SNX33: variants seen among roughly 807,000 people sequenced by gnomAD.
The protein encoded by SNX33 is sorting nexin 33.
SNX33 carries 19 observed loss-of-function variants against 38.8 expected under a neutral mutation model. That is an observed-to-expected ratio of 0.49 (90% confidence interval 0.34 to 0.72). The LOEUF is 0.72. Ranked by LOEUF, SNX33 falls within the 30% of genes least tolerant of loss-of-function variation. The pLI is 0.01. For missense variants in SNX33, 641 were observed against 776.4 expected (o/e 0.83, Z 2.07); for synonymous variants, 246 against 289.7 (o/e 0.85, Z 1.53).
Position 75,656,901 on chromosome 15 carries a change from G to A in SNX33, c.1472-61G>A, listed in dbSNP as rs1893658084. The stretch of plus-strand genomic sequence containing the variant: ...ATGAGGGTGCTGTCTGCCCTCAAGG[G>A]TACAGGGAGCACATGGAGATCAGAG... On this transcript the variant is annotated intron_variant, in intron 1 of 1. Coordinates refer to ENST00000308527, the MANE Select transcript of SNX33 (RefSeq NM_153271.2). 11 of 1,574,818 alleles carry A rather than the reference G, an allele frequency of 7.0e-6. No individual in the cohort carries two copies. In the South Asian group the frequency reaches 1.2e-4, roughly 17 times the overall value.
chr15:75,652,415 G>A (rs2141397981), intron 1 of SNX33, among the ~76,000 whole-genome samples: 1 of 152,322 alleles, frequency 6.6e-6, no homozygotes. Context: ...CAGCAGGAGG[G>A]GGAATGCAAT....
At position 75,650,293 on chromosome 15, in the gene SNX33, T is replaced by C. The variant is rs1265154661; in HGVS notation, c.1191T>C (p.Thr397=). The C allele has an allele frequency of 8.8e-6, 14 of 1,592,632 alleles. No homozygotes were observed. Among genetic ancestry groups the C allele is most frequent in the Non-Finnish European group, 1.0e-5 (12 of 1,167,716 alleles). ...ACGACAGCGTCCTGCAGCTCAGCAC[T>C]GTGGCATCAGAGCTGGTGCGTAAAC... ...KMDDSVLQLS[T]VASELVRKHV... Residue 397 remains threonine (T), a synonymous_variant, in exon 1 of 2, where the codon ACT becomes ACC. Transcript: ENST00000308527. This position sits in a 1 kb window ranked among gnomAD's most constrained non-coding sequence, Gnocchi z 6.1.
At chr15:75,656,311 CA>C (rs1893651564) in intron 1 of SNX33, among the ~76,000 whole-genome samples, 1 of 152,220 alleles carries the variant, frequency 6.6e-6, no homozygotes. Context: ...AATAGGAATC[CA>C]GGGGGCAGAG....
chr15:75,655,828 C>A (rs1893646952), intron 1 of SNX33, among the ~76,000 whole-genome samples: 3 of 152,310 alleles, frequency 2.0e-5, no homozygotes, highest in Non-Finnish European at 4.4e-5. Context: ...TATGCCAACC[C>A]TTCCCTGCTC....
chr15:75,661,754 C>T lies in SNX33; in HGVS notation c.*4539C>T, dbSNP rs983690361. The T allele has an allele frequency of 2.0e-5, 3 of 152,108 alleles. No homozygotes were observed. The highest frequency in any genetic ancestry group is 7.2e-5 in the African/African-American group (3 of 41,402). 9.4% of individuals were successfully genotyped at this position (152,108 alleles called of 1,614,324 possible). The stretch of plus-strand genomic sequence containing the variant: ...AGGGAATCTCTGGCGGGGCTGGACT[C>T]AAACCCAGCTCCCTGCCATCACTCC... On this transcript the variant is annotated 3_prime_UTR_variant, in exon 2 of 2. Coordinates refer to ENST00000308527, the MANE Select transcript of SNX33 (RefSeq NM_153271.2). The surrounding 1 kb of genome is among the most constrained non-coding windows in gnomAD (Gnocchi z 4.5).
rs1893661346 is a variant in SNX33 at position 75,657,040 on chromosome 15, G to A, written c.1550G>A (p.Arg517His). ...RMVQDEADGI[R>H]RRCRVVGFAL... ...GTGCAGGACGAGGCAGACGGCATTC[G>A]CAGGCGCTGCCGCGTGGTGGGTTTC... Residue 517 changes from arginine (R) to histidine (H), a missense_variant, in exon 2 of 2, where the codon CGC becomes CAC. Coordinates refer to ENST00000308527, the MANE Select transcript of SNX33 (RefSeq NM_153271.2). The surrounding 1 kb of genome is among the most constrained non-coding windows in gnomAD (Gnocchi z 5.5). The A allele has an allele frequency of 6.2e-6, 10 of 1,614,026 alleles. No individual in the cohort carries two copies. The highest frequency in any genetic ancestry group is 2.7e-5 in the African/African-American group (2 of 74,946).
rs1893551424 is a variant in SNX33 at position 75,649,709 on chromosome 15, C to T, written c.607C>T (p.Pro203Ser). Reference sequence around the variant, plus strand: ...GGAGGCCTTCATCCTGGGTGATGTGCCCATGATGGCCAAGATCGCTGAGAC... The same window carrying T: ...GGAGGCCTTCATCCTGGGTGATGTGTCCATGATGGCCAAGATCGCTGAGAC... ...GVEAFILGDV[P>S]MMAKIAETYS... The change falls in exon 1 of 2, where the codon CCC becomes TCC. Residue 203 changes from proline (P) to serine (S), a missense_variant. Pro to Ser is a moderately conservative substitution (Grantham distance 74). Coordinates refer to ENST00000308527, the MANE Select transcript of SNX33 (RefSeq NM_153271.2). This position sits in a 1 kb window ranked among gnomAD's most constrained non-coding sequence, Gnocchi z 6.6. The T allele has an allele frequency of 2.6e-6, 4 of 1,548,382 alleles. No individual in the cohort carries two copies. Among genetic ancestry groups the T allele is most frequent in the Non-Finnish European group, 3.5e-6 (4 of 1,143,954 alleles).
intron 1 of SNX33, among the ~76,000 whole-genome samples, chr15:75,652,214 G>A (rs1262533435): frequency 1.3e-5 from 2 of 152,170 alleles, no homozygotes; most frequent in Admixed American, 6.5e-5. Flanking sequence ...GGAGTGGGTG[G>A]GAAGGGACTC....
At chr15:75,653,839 C>T (rs1482520985) in intron 1 of SNX33, among the ~76,000 whole-genome samples, 35 of 152,162 alleles carry the variant, frequency 2.3e-4, no homozygotes, top group Admixed American at 2.2e-3. Flanking sequence ...TACCGCTCAT[C>T]CTGTAATCTC....
intron 1 of SNX33, among the ~76,000 whole-genome samples, chr15:75,651,343 C>T (rs1179550760): frequency 6.6e-6 from 1 of 152,172 alleles, no homozygotes; most frequent in Non-Finnish European, 1.5e-5. Flanking sequence ...GCCTGTGGCC[C>T]GGCTGGGACT....
intron 1 of SNX33, 93 bp from the exon 2 acceptor site, chr15:75,656,869 T>G: frequency 4.4e-5 from 67 of 1,511,074 alleles, no homozygotes; most frequent in Non-Finnish European, 5.5e-5. Context: ...ACGTCCGAGT[T>G]GAGCTGATGA....
chr15:75,648,142 G>T lies in SNX33; in HGVS notation c.-961G>T. 1 of 985,556 alleles carries T rather than the reference G, an allele frequency of 1.0e-6. No individual in the cohort carries two copies. The highest frequency in any genetic ancestry group is 1.7e-5 in the African/African-American group (1 of 57,364). 61.1% of individuals were successfully genotyped at this position (985,556 alleles called of 1,614,324 possible). ...CGAGGGTGGTGATCGGGGGTCGTAA[G>T]TCCCGGGTGAGGAACCGGTTTCTGC... On this transcript the variant is annotated 5_prime_UTR_variant, in exon 1 of 2. Coordinates refer to ENST00000308527, the MANE Select transcript of SNX33 (RefSeq NM_153271.2). The surrounding 1 kb of genome is among the most constrained non-coding windows in gnomAD (Gnocchi z 4.4).
chr15:75,650,720 A>C lies in SNX33; in HGVS notation c.1471+147A>C. The C allele has an allele frequency of 8.8e-7, 1 of 1,134,342 alleles. No homozygotes were observed. The allele number at this position is 1,134,342 out of a possible 1,614,324, so 70.3% of individuals were successfully genotyped here. On this transcript the variant is annotated intron_variant, in intron 1 of 1. Coordinates refer to ENST00000308527, the MANE Select transcript of SNX33 (RefSeq NM_153271.2). The surrounding 1 kb of genome is among the most constrained non-coding windows in gnomAD (Gnocchi z 6.1). Reference sequence around the variant, plus strand: ...ATTTAACAAATGTGTTGGGCTGGGCACGGTGGCTTACGCTTGTAATCTCAG... The same window carrying C: ...ATTTAACAAATGTGTTGGGCTGGGCCCGGTGGCTTACGCTTGTAATCTCAG...
chr15:75,653,451 C>G (rs952142809), intron 1 of SNX33, among the ~76,000 whole-genome samples: 1 of 152,206 alleles, frequency 6.6e-6, no homozygotes, highest in Non-Finnish European at 1.5e-5. Context: ...CTAAGGCTCA[C>G]GACAGGTCAG....
At chr15:75,655,556 C>T (rs535398799) in intron 1 of SNX33, among the ~76,000 whole-genome samples, 2 of 152,334 alleles carry the variant, frequency 1.3e-5, no homozygotes, top group Admixed American at 6.5e-5. Flanking sequence ...TAGCCATGCA[C>T]TTATCAACTA....
In SNX33 at chr15:75,649,106, G is replaced by T. The variant is rs1893534909; in HGVS notation, c.4G>T (p.Ala2Ser). MALKGRALYDFH... is the reference protein window; with the variant it reads MSLKGRALYDFH... ...TTCTATACCACCCAGCCCAGCCATG[G>T]CACTGAAAGGCCGAGCCCTCTATGA... The change falls in exon 1 of 2, where the codon GCA becomes TCA. Residue 2 changes from alanine (A) to serine (S), a missense_variant. Physicochemically the swap from Ala to Ser is moderately conservative, Grantham distance 99. Transcript: ENST00000308527. The surrounding 1 kb of genome is among the most constrained non-coding windows in gnomAD (Gnocchi z 6.6). The T allele has an allele frequency of 3.2e-6, 5 of 1,585,794 alleles. No individual in the cohort carries two copies. The highest frequency in any genetic ancestry group is 4.3e-6 in the Non-Finnish European group (5 of 1,161,968).
At chr15:75,656,922 C>A in intron 1 of SNX33, 40 bp from the exon 2 acceptor site, 1 of 1,593,938 alleles carries the variant, frequency 6.3e-7, no homozygotes, top group South Asian at 1.1e-5. Context: ...ACATGGAGAT[C>A]AGAGCCCTCA....
rs995976616 is a variant in SNX33, at chr15:75,657,578, T to C, written c.*363T>C. The C allele has an allele frequency of 9.2e-6, 3 of 326,900 alleles. No individual in the cohort carries two copies. Among genetic ancestry groups the C allele is most frequent in the East Asian group, 6.6e-5 (1 of 15,048 alleles). 20.2% of individuals were successfully genotyped at this position (326,900 alleles called of 1,614,324 possible). On this transcript the variant is annotated 3_prime_UTR_variant, in exon 2 of 2. Transcript: ENST00000308527. The surrounding 1 kb of genome is among the most constrained non-coding windows in gnomAD (Gnocchi z 5.5). ...CCATTCAGCAGACACCGAGGCCTGC[T>C]GCACCCTTGGGTCGGATGCTGGGCA...
Position 75,652,006 on chromosome 15 carries a change from G to GTTT in SNX33, c.1471+1446_1471+1448dup, listed in dbSNP as rs10706187. The stretch of plus-strand genomic sequence containing the variant: ...ATCCTCTTCCTCTTCCTTTCTTTCT[G>GTTT]TTTTTTTTTTTTTTTCTCTCATCTC... On this transcript the variant is annotated intron_variant, in intron 1 of 1. Transcript: ENST00000308527. 1.6e-3 allele frequency among the ~76,000 whole-genome samples: 206 copies of GTTT among 132,834 alleles called. 2 individuals carry two copies. Among genetic ancestry groups the GTTT allele is most frequent in the Middle Eastern group, 3.8e-3 (1 of 262 alleles). The allele number at this position is 132,834 out of a possible 152,430, so 87.1% of individuals were successfully genotyped here.
Sources: allele counts gnomAD v4.1 joint callset (sites outside exome capture counted in the v4.1 genomes callset), GRCh38; gene constraint gnomAD v4.1.1; non-coding constraint Gnocchi (gnomAD v3.1); transcripts MANE v1.5; gene names NCBI Gene and HGNC (gene_info 2026-07-23, HGNC 2026-07-21).